ALG6: variants seen among roughly 807,000 people sequenced by gnomAD.
ALG6 encodes ALG6 alpha-1,3-glucosyltransferase.
Under a neutral mutation model 66.6 loss-of-function variants are expected in ALG6, and 46 were observed. That is an observed-to-expected ratio of 0.69 (90% confidence interval 0.55 to 0.88). ALG6 has a LOEUF of 0.88. ALG6 is among the 40% of genes least tolerant of loss of function. ALG6 has a pLI of 0.00. For synonymous variants in ALG6, 185 were observed against 203.7 expected, an observed-to-expected ratio of 0.91 and a Z score of 0.78; for missense variants, 505 against 586.8, an observed-to-expected ratio of 0.86 and a Z score of 1.44.
At chr1:63,372,755 T>G (rs1357017610) in intron 2 of ALG6, among the ~76,000 whole-genome samples, 2 of 151,522 alleles carry the variant, frequency 1.3e-5, no homozygotes, top group African/African-American at 4.9e-5. Context: ...CGCCTCCCAG[T>G]TTCAAGCTAT....
At chr1:63,391,220 C>G (rs547054042) in intron 2 of ALG6, among the ~76,000 whole-genome samples, 1 of 152,168 alleles carries the variant, frequency 6.6e-6, no homozygotes, top group East Asian at 1.9e-4. Context: ...TCTAATGTGC[C>G]CGTGTAACAA....
chr1:63,369,962 G>T (rs1284385894), intron 1 of ALG6, among the ~76,000 whole-genome samples: 2 of 151,976 alleles, frequency 1.3e-5, no homozygotes, highest in Admixed American at 1.3e-4. Context: ...GGGATCACAG[G>T]CGAGCGCCAC....
chr1:63,372,374 T>TAC (rs1449430184), intron 2 of ALG6, among the ~76,000 whole-genome samples: 3 of 152,098 alleles, frequency 2.0e-5, no homozygotes, highest in Admixed American at 2.0e-4. Context: ...CACATATATA[T>TAC]ACACAGACAC....
chr1:63,379,086 G>GT (rs1648222239), intron 2 of ALG6, among the ~76,000 whole-genome samples: 1 of 151,938 alleles, frequency 6.6e-6, no homozygotes, highest in Non-Finnish European at 1.5e-5. Flanking sequence ...TGATTTCATA[G>GT]TTTTTTGTTT....
chr1:63,419,306 T>A lies in ALG6; in HGVS notation c.988-64T>A, dbSNP rs1411136476. ...TGAAATGATTTTTATTTAGATTCTA[T>A]AATTAACTTGATATGCTATTTCACA... On this transcript the variant is annotated intron_variant, in intron 11 of 14. Coordinates refer to ENST00000263440, the MANE Select transcript of ALG6 (RefSeq NM_013339.4). The A allele has an allele frequency of 3.5e-5, 43 of 1,240,250 alleles. No individual in the cohort carries two copies. The East Asian group carries it at 9.8e-4, about 28-fold the overall frequency. The allele number at this position is 1,240,250 out of a possible 1,614,324, so 76.8% of individuals were successfully genotyped here. A position where few individuals can be genotyped will look rare whatever the true frequency, so the allele number is the denominator to read the frequency against.
At chr1:63,408,609 A>G (rs988852587) in intron 7 of ALG6, among the ~76,000 whole-genome samples, 4 of 152,150 alleles carry the variant, frequency 2.6e-5, no homozygotes, top group African/African-American at 7.2e-5. Context: ...AGCATGTACC[A>G]ATTAAGACTC....
At chr1:63,376,839 G>GT (rs1193068585) in intron 2 of ALG6, among the ~76,000 whole-genome samples, 2 of 151,884 alleles carry the variant, frequency 1.3e-5, no homozygotes, top group Non-Finnish European at 2.9e-5. Context: ...TGATACAATC[G>GT]TTTTTTATAT....
intron 12 of ALG6, 47 bp downstream of exon 12, chr1:63,419,487 CTT>C (rs768146554): frequency 1.1e-5 from 14 of 1,318,618 alleles, no homozygotes; most frequent in Admixed American, 1.8e-5. Context: ...TATAATATAA[CTT>C]TATAATTTAC....
intron 2 of ALG6, among the ~76,000 whole-genome samples, chr1:63,394,700 A>G (rs1018639972): frequency 2.6e-5 from 4 of 151,910 alleles, no homozygotes; most frequent in African/African-American, 9.7e-5. Context: ...TTTAAGAATA[A>G]AAGCTACTTA....
intron 7 of ALG6, among the ~76,000 whole-genome samples, chr1:63,408,345 T>C (rs1026910048): frequency 2.0e-5 from 3 of 152,218 alleles, no homozygotes; most frequent in African/African-American, 7.2e-5. Context: ...CTGCAGTTTG[T>C]TAAAAAACTA....
At position 63,370,933 on chromosome 1, in the gene ALG6, G is replaced by A; in HGVS notation, c.-45G>A. ...ATTGACCACGTTTTAAAAGTACTCT[G>A]GCACTGGTGCTGTGTTTTCTTCCCC... On this transcript the variant is annotated 5_prime_UTR_variant, in exon 2 of 15. Transcript: ENST00000263440. 2.6e-6 allele frequency: 3 copies of A among 1,141,258 alleles called. No homozygotes were observed. The highest frequency in any genetic ancestry group is 1.2e-5 in the South Asian group (1 of 81,666). The allele number at this position is 1,141,258 out of a possible 1,614,324, so 70.7% of individuals were successfully genotyped here.
At position 63,414,100 on chromosome 1, in the gene ALG6, C is replaced by T; in HGVS notation, c.856C>T (p.Leu286=). 1 of 1,613,086 alleles carries T rather than the reference C, an allele frequency of 6.2e-7. No homozygotes were observed. The highest frequency in any genetic ancestry group is 1.1e-5 in the South Asian group (1 of 91,062). Residue 286 remains leucine (L), a synonymous_variant, in exon 10 of 15, where the codon CTG becomes TTG. Coordinates refer to ENST00000263440, the MANE Select transcript of ALG6 (RefSeq NM_013339.4). ...ANIWCSFNVF[L]KIKDILPRHI... ...TATTTGGTGCAGCTTCAATGTCTTT[C>T]TGAAGATTAAGGATATTTTGCCACG...
intron 14 of ALG6, among the ~76,000 whole-genome samples, chr1:63,436,375 CCAAACACTAGGT>C (rs1557599791): frequency 2.6e-5 from 4 of 152,128 alleles, no homozygotes. Context: ...TACTGACCTG[CCAAACACTAGGT>C]TTTATTTCTT....
chr1:63,432,085 T>C (rs549704193), intron 14 of ALG6, among the ~76,000 whole-genome samples: 235 of 152,332 alleles, frequency 1.5e-3, no homozygotes, highest in Non-Finnish European at 2.4e-3. Flanking sequence ...TACTTGATAT[T>C]AGAGGGAAAG....
chr1:63,412,762 TAATTA>T (rs375481993), intron 9 of ALG6, among the ~76,000 whole-genome samples: 61 of 152,314 alleles, frequency 4.0e-4, no homozygotes, highest in African/African-American at 1.3e-3. Flanking sequence ...TTAGATTTGG[TAATTA>T]AATTAAACCA....
At chr1:63,398,824 T>A (rs1196954709) in intron 3 of ALG6, among the ~76,000 whole-genome samples, 1 of 152,124 alleles carries the variant, frequency 6.6e-6, no homozygotes, top group Admixed American at 6.5e-5. Context: ...TTCCCCCGTG[T>A]TTGTAGTGGA....
chr1:63,413,787 A>C, intron 9 of ALG6: 2 of 306,628 alleles, frequency 6.5e-6, no homozygotes, highest in East Asian at 6.8e-5. Flanking sequence ...ATTCAGGGAT[A>C]GTGCACTGCT....
rs187690235 is a variant in ALG6 at position 63,422,951 on chromosome 1, G to A, written c.1058+3511G>A. The stretch of plus-strand genomic sequence containing the variant: ...GCATGGGCAACGAGAGCAAAACTCC[G>A]TCTCAAAAAACAAAGGAAACAAAAA... On this transcript the variant is annotated intron_variant, in intron 12 of 14. Transcript: ENST00000263440. Among the ~76,000 whole-genome samples the A allele has an allele frequency of 5.0e-4, 76 of 151,730 alleles. 1 individual carries two copies. Among genetic ancestry groups the A allele is most frequent in the Admixed American group, 1.1e-3 (17 of 15,258 alleles).
chr1:63,438,535 A>G lies in ALG6; in HGVS notation c.*1515A>G, dbSNP rs1399612410. 1 of 152,232 alleles carries G rather than the reference A, an allele frequency of 6.6e-6. No homozygotes were observed. Among genetic ancestry groups the G allele is most frequent in the African/African-American group, 2.4e-5 (1 of 41,464 alleles). 9.4% of individuals were successfully genotyped at this position (152,232 alleles called of 1,614,324 possible). A position where few individuals can be genotyped will look rare whatever the true frequency, so the allele number is the denominator to read the frequency against. The stretch of plus-strand genomic sequence containing the variant: ...ATTTGGAAATAAAAGTATTATGTAC[A>G]TATATTAGTAAAATGAAATGCACCT... On this transcript the variant is annotated 3_prime_UTR_variant, in exon 15 of 15. Transcript: ENST00000263440.
Sources: allele counts gnomAD v4.1 joint callset (sites outside exome capture counted in the v4.1 genomes callset), GRCh38; gene constraint gnomAD v4.1.1; transcripts MANE v1.5; gene names NCBI Gene and HGNC (gene_info 2026-07-23, HGNC 2026-07-21).